The following PLCL1 variants were observed in gnomAD, a reference collection of about 807,000 sequenced individuals.
PLCL1 encodes phospholipase C like 1 (inactive), also known as inactive phospholipase C-like protein 1.
PLCL1 carries 41 observed loss-of-function variants against 84.4 expected under a neutral mutation model. The observed-to-expected ratio is 0.49, with a 90% CI of 0.38 to 0.63. The LOEUF is 0.63. Ranked by LOEUF, PLCL1 falls within the 30% of genes least tolerant of loss-of-function variation. PLCL1 has a pLI of 0.00. For synonymous variants in PLCL1, 490 were observed against 488.3 expected, an observed-to-expected ratio of 1.00 and a Z score of -0.05; for missense variants, 1,206 against 1,367.8, an observed-to-expected ratio of 0.88 and a Z score of 1.87.
chr2:198,137,691 T>G (rs1406373027), intron 5 of PLCL1, among the ~76,000 whole-genome samples: 2 of 152,198 alleles, frequency 1.3e-5, no homozygotes, highest in East Asian at 3.8e-4. Flanking sequence ...AATCATTGCT[T>G]TCTTGTTACT....
At position 198,085,073 on chromosome 2, in the gene PLCL1, C is replaced by T. The variant is rs1176008229; in HGVS notation, c.1556C>T (p.Ala519Val). The change falls in exon 2 of 6, where the codon GCA becomes GTA. Residue 519 changes from alanine to valine, a missense_variant. Physicochemically the swap from Ala to Val is moderately conservative, Grantham distance 64 (BLOSUM62 0). Coordinates refer to ENST00000428675, the MANE Select transcript of PLCL1 (RefSeq NM_006226.4). This position sits in a 1 kb window ranked among gnomAD's most constrained non-coding sequence, Gnocchi z 5.3. ...TTTGGCAATAAACTCTATACTGAAG[C>T]ACCTTTGCCCTCAGAATCCTACCTC... Reference protein sequence around the residue: ...KVFGNKLYTEAPLPSESYLPS... With the variant: ...KVFGNKLYTEVPLPSESYLPS... 1.2e-6 allele frequency: 2 copies of T among 1,613,954 alleles called. No homozygotes were observed. The highest frequency in any genetic ancestry group is 1.1e-5 in the South Asian group (1 of 91,078).
At chr2:197,845,124 G>A (rs989375646) in intron 1 of PLCL1, among the ~76,000 whole-genome samples, 3 of 152,048 alleles carry the variant, frequency 2.0e-5, no homozygotes, top group African/African-American at 7.2e-5. Flanking sequence ...GTTAATATTT[G>A]TAGAACATCC....
rs376042119 is a variant in PLCL1 at position 197,937,757 on chromosome 2, TATAA to T, written c.240+132421_240+132424del. On this transcript the variant is annotated intron_variant, in intron 1 of 5. Transcript: ENST00000428675. The stretch of plus-strand genomic sequence containing the variant: ...TACACAGCTACAATGAAAGATTAAA[TATAA>T]ATCAGTCAGGTGCTTTACAAAAGGA... 1.3e-3 allele frequency among the ~76,000 whole-genome samples: 204 copies of T among 152,316 alleles called. 1 individual carries two copies. The highest frequency in any genetic ancestry group is 4.3e-3 in the African/African-American group (179 of 41,562).
At chr2:197,979,928 C>A (rs1228882871) in intron 1 of PLCL1, among the ~76,000 whole-genome samples, 1 of 152,156 alleles carries the variant, frequency 6.6e-6, no homozygotes, top group Non-Finnish European at 1.5e-5. Flanking sequence ...ATATTGAAAT[C>A]CAGGTAGTTA....
intron 1 of PLCL1, among the ~76,000 whole-genome samples, chr2:197,840,075 C>A (rs2105667612): frequency 6.6e-6 from 1 of 152,214 alleles, no homozygotes; most frequent in South Asian, 2.1e-4. Context: ...AAGGTCATCT[C>A]TAAATATAAA....
intron 1 of PLCL1, among the ~76,000 whole-genome samples, chr2:197,955,217 G>T (rs990150627): frequency 2.0e-5 from 3 of 151,906 alleles, no homozygotes; most frequent in Non-Finnish European, 4.4e-5. Context: ...ACACTCATCA[G>T]ATAGATCAAA....
chr2:198,086,188 G>C lies in PLCL1; in HGVS notation c.2671G>C (p.Val891Leu). ...KTIDDIFKIA[V>L]HPLREAIDMR... Reference sequence around the variant, plus strand: ...CATTGATGACATCTTTAAAATAGCGGTTCATCCATTACGAGAAGCCATAGA... The same window carrying C: ...CATTGATGACATCTTTAAAATAGCGCTTCATCCATTACGAGAAGCCATAGA... Residue 891 changes from valine to leucine, a missense_variant, in exon 2 of 6, where the codon GTT (valine) becomes CTT (leucine). By Grantham distance (32) the Val-to-Leu change is conservative (BLOSUM62 1). Coordinates refer to ENST00000428675, the MANE Select transcript of PLCL1 (RefSeq NM_006226.4). The C allele has an allele frequency of 6.2e-7, 1 of 1,613,618 alleles. No individual in the cohort carries two copies.
chr2:197,903,088 T>C (rs1272192550), intron 1 of PLCL1, among the ~76,000 whole-genome samples: 1 of 152,212 alleles, frequency 6.6e-6, no homozygotes, highest in Non-Finnish European at 1.5e-5. Flanking sequence ...GTTTTGATAC[T>C]ACCATTTTTC....
chr2:198,146,991 TC>T lies in PLCL1; in HGVS notation c.*30del. The T allele has an allele frequency of 6.5e-7, 1 of 1,537,934 alleles. No individual in the cohort carries two copies. The highest frequency in any genetic ancestry group is 2.3e-5 in the East Asian group (1 of 43,680). On this transcript the variant is annotated 3_prime_UTR_variant, in exon 6 of 6. Transcript: ENST00000428675. ...TGGGCATTATCGACACGTTCACCCA[TC>T]TTATCAAGGACTCTGGTTTCTCATT...
At chr2:197,927,450 G>A (rs961644295) in intron 1 of PLCL1, among the ~76,000 whole-genome samples, 1 of 152,132 alleles carries the variant, frequency 6.6e-6, no homozygotes, top group African/African-American at 2.4e-5. Context: ...GAAGAATTTG[G>A]TTGATATGTT....
At chr2:197,844,446 A>G (rs890099068) in intron 1 of PLCL1, among the ~76,000 whole-genome samples, 7 of 152,086 alleles carry the variant, frequency 4.6e-5, no homozygotes, top group Non-Finnish European at 1.0e-4. Flanking sequence ...GTGAAGCAAT[A>G]GTTTATTTTT....
intron 5 of PLCL1, among the ~76,000 whole-genome samples, chr2:198,139,162 A>C (rs2105943856): frequency 6.7e-6 from 1 of 148,310 alleles, no homozygotes; most frequent in Non-Finnish European, 1.5e-5. Flanking sequence ...TCTCAAAATA[A>C]AAAAAAAAAG....
intron 1 of PLCL1, among the ~76,000 whole-genome samples, chr2:197,876,542 G>A (rs188048490): frequency 1.3e-5 from 2 of 152,114 alleles, no homozygotes; most frequent in East Asian, 3.9e-4. Context: ...ATGGCAACTG[G>A]ATGGTAAACT....
chr2:197,806,464 C>T lies in PLCL1; in HGVS notation c.240+1125C>T, dbSNP rs77663938. Among the ~76,000 whole-genome samples, 8 of 152,308 alleles carry T rather than the reference C, an allele frequency of 5.3e-5. No homozygotes were observed. The East Asian group carries it at 1.3e-3, about 26-fold the overall frequency. ...AGCACCAGCTTAGGTAGACTAACCA[C>T]AGAATGTGGCTCCAGTAAAGTCTTT... On this transcript the variant is annotated intron_variant, in intron 1 of 5. Coordinates refer to ENST00000428675, the MANE Select transcript of PLCL1 (RefSeq NM_006226.4).
intron 1 of PLCL1, among the ~76,000 whole-genome samples, chr2:197,967,309 G>T (rs1387439649): frequency 1.3e-5 from 2 of 152,126 alleles, no homozygotes; most frequent in African/African-American, 4.8e-5. Context: ...CAATTCTCCT[G>T]CCTCAGCCTC....
chr2:197,923,298 G>A (rs1438728073), intron 1 of PLCL1, among the ~76,000 whole-genome samples: 12 of 146,924 alleles, frequency 8.2e-5, no homozygotes, highest in Admixed American at 1.3e-4. Flanking sequence ...GCTGCCGGGC[G>A]GAGACGCTCC....
At position 197,941,027 on chromosome 2, in the gene PLCL1, ATAAG is replaced by A. The variant is rs142856887; in HGVS notation, c.240+135692_240+135695del. On this transcript the variant is annotated intron_variant, in intron 1 of 5. Transcript: ENST00000428675. ...TGCTTTTTAAGTTAAAAAAAAACTA[ATAAG>A]TAATCATTATCTAAAGTTGCAGGGA... is the stretch of plus-strand genomic sequence containing the variant. Among the ~76,000 whole-genome samples, 826 of 152,298 alleles carry A rather than the reference ATAAG, an allele frequency of 5.4e-3. 6 individuals are homozygous for A. Among genetic ancestry groups the A allele is most frequent in the African/African-American group, 0.019 (796 of 41,546 alleles).
chr2:198,115,905 A>G (rs1559110734), intron 5 of PLCL1, among the ~76,000 whole-genome samples: 1 of 149,794 alleles, frequency 6.7e-6, no homozygotes, highest in Non-Finnish European at 1.5e-5. Flanking sequence ...GCCATATCTC[A>G]TATATAAAAA....
chr2:197,919,974 G>C (rs1688673557), intron 1 of PLCL1, among the ~76,000 whole-genome samples: 1 of 152,120 alleles, frequency 6.6e-6, no homozygotes. Context: ...ACCTCTTTGT[G>C]CTTTGATTTC....
Sources: gnomAD v4.1 joint callset for allele counts (sites outside exome capture counted in the v4.1 genomes callset) on GRCh38, gnomAD v4.1.1 for gene constraint, Gnocchi (gnomAD v3.1) non-coding constraint, MANE v1.5 for transcripts, NCBI Gene and HGNC (gene_info 2026-07-23, HGNC 2026-07-21) for gene names.